RAPGEF5: variants seen among roughly 807,000 people sequenced by gnomAD.
RAPGEF5 encodes the protein Rap guanine nucleotide exchange factor 5.
In RAPGEF5, 65 loss-of-function variants were observed where a neutral mutation model predicts 125.2. That is an observed-to-expected ratio of 0.52 (90% CI 0.43 to 0.64). The LOEUF is 0.64. Among genes scored for constraint, RAPGEF5 ranks in the 30% least tolerant of loss-of-function variants. RAPGEF5 has a pLI of 0.00. For missense variants in RAPGEF5, 958 were observed against 1,048.1 expected, an observed-to-expected ratio of 0.91 and a Z score of 1.19; for synonymous variants, 391 against 385.9, an observed-to-expected ratio of 1.01 and a Z score of -0.16.
At chr7:22,191,425 T>A (rs1316934856) in intron 11 of RAPGEF5, 1 of 370,858 alleles carries the variant, frequency 2.7e-6, no homozygotes, top group South Asian at 2.1e-5. Flanking sequence ...GTTGTTACCA[T>A]TTTGCCACTC....
chr7:22,153,219 G>A (rs924511352), intron 17 of RAPGEF5, among the ~76,000 whole-genome samples: 1 of 152,122 alleles, frequency 6.6e-6, no homozygotes, highest in Non-Finnish European at 1.5e-5. Context: ...TACCTTGAGA[G>A]GTGGATGCTT....
intron 11 of RAPGEF5, among the ~76,000 whole-genome samples, chr7:22,188,066 A>T (rs1302704551): frequency 1.3e-5 from 2 of 152,246 alleles, no homozygotes; most frequent in African/African-American, 4.8e-5. Context: ...AAAAGATATA[A>T]ATACAAGATA....
Position 22,211,910 on chromosome 7 carries a change from C to G in RAPGEF5, c.996+7956G>C, listed in dbSNP as rs566056537. 2.7e-5 allele frequency among the ~76,000 whole-genome samples: 4 copies of G among 150,374 alleles called. No individual in the cohort carries two copies. In the South Asian group the frequency reaches 8.5e-4, roughly 32 times the overall value. ...AGGCTCCAGCTGGTTGGTTCTGTTT[C>G]TAAAGCTGCTCTCTTCTCCACATCA... On this transcript the variant is annotated intron_variant, in intron 9 of 25. Coordinates refer to ENST00000665637, the MANE Select transcript of RAPGEF5 (RefSeq NM_012294.5).
intron 5 of RAPGEF5, among the ~76,000 whole-genome samples, chr7:22,304,095 G>C (rs1288063813): frequency 1.3e-5 from 2 of 151,772 alleles, no homozygotes; most frequent in Admixed American, 1.3e-4. Flanking sequence ...TCCAAGTCTA[G>C]ATAAGCCAAA....
intron 9 of RAPGEF5, among the ~76,000 whole-genome samples, chr7:22,219,013 T>C (rs368332711): frequency 4.3e-4 from 65 of 152,250 alleles, no homozygotes; most frequent in African/African-American, 8.7e-4. Flanking sequence ...AGAAAAAGCA[T>C]GAAGCAATGT....
chr7:22,156,780 C>A (rs1172875174), intron 16 of RAPGEF5, 30 bp downstream of exon 16: 2 of 1,612,634 alleles, frequency 1.2e-6, no homozygotes, highest in Non-Finnish European at 1.7e-6. Context: ...TGCTGCCCAC[C>A]CCCAAACCCT....
At chr7:22,161,211 A>C (rs997885352) in intron 13 of RAPGEF5, among the ~76,000 whole-genome samples, 2 of 152,108 alleles carry the variant, frequency 1.3e-5, no homozygotes, top group African/African-American at 4.8e-5. Context: ...TCCGTCTCAA[A>C]AAATAAATAA....
intron 6 of RAPGEF5, among the ~76,000 whole-genome samples, chr7:22,284,849 A>G (rs1000757209): frequency 6.6e-6 from 1 of 152,226 alleles, no homozygotes; most frequent in Non-Finnish European, 1.5e-5. Flanking sequence ...GCATTTTTAG[A>G]AAAACATATT....
intron 11 of RAPGEF5, among the ~76,000 whole-genome samples, chr7:22,190,989 T>C (rs1784977049): frequency 1.3e-5 from 2 of 152,178 alleles, no homozygotes. Context: ...TGTACTTTTA[T>C]TGCAGCCCCT....
At chr7:22,124,183 T>G (rs369127631) in intron 25 of RAPGEF5, among the ~76,000 whole-genome samples, 161 of 152,334 alleles carry the variant, frequency 1.1e-3, no homozygotes, top group African/African-American at 3.6e-3. Context: ...CTGTCTATAC[T>G]TGGAGCATAT....
chr7:22,317,205 A>G (rs1255834398), intron 2 of RAPGEF5, among the ~76,000 whole-genome samples: 1 of 149,390 alleles, frequency 6.7e-6, no homozygotes, highest in African/African-American at 2.4e-5. Context: ...CAAAGCTCAC[A>G]GTCTCCTGTT....
At position 22,218,527 on chromosome 7, in the gene RAPGEF5, T is replaced by C. The variant is rs549345230; in HGVS notation, c.996+1339A>G. The stretch of plus-strand genomic sequence containing the variant: ...TTCATATCATCAATTGTTAAGACTA[T>C]TGTGGGGGAAATGTGCATCTTGAAA... On this transcript the variant is annotated intron_variant, in intron 9 of 25. Coordinates refer to ENST00000665637, the MANE Select transcript of RAPGEF5 (RefSeq NM_012294.5). 3.3e-4 allele frequency among the ~76,000 whole-genome samples: 51 copies of C among 152,294 alleles called. 1 individual carries two copies. In the South Asian group the frequency reaches 0.011, roughly 32 times the overall value.
intron 16 of RAPGEF5, among the ~76,000 whole-genome samples, chr7:22,156,255 G>T: frequency 6.6e-6 from 1 of 152,200 alleles, no homozygotes; most frequent in Non-Finnish European, 1.5e-5. Context: ...TCTAAAAGGA[G>T]AAAACCACTG....
chr7:22,290,559 A>C (rs1186246541), intron 6 of RAPGEF5, among the ~76,000 whole-genome samples: 2 of 151,856 alleles, frequency 1.3e-5, no homozygotes, highest in Non-Finnish European at 2.9e-5. Flanking sequence ...TCCCGGCTAA[A>C]ACGGTGAAAC....
At chr7:22,226,832 T>C (rs78182123) in intron 8 of RAPGEF5, among the ~76,000 whole-genome samples, 2,249 of 152,248 alleles carry the variant, frequency 0.015, 64 homozygotes, top group African/African-American at 0.051. Context: ...CACCTTTGTA[T>C]AGGATGGACA....
rs372042570 is a variant in RAPGEF5 at position 22,220,972 on chromosome 7, G to A, written c.871-981C>T. 2.6e-5 allele frequency among the ~76,000 whole-genome samples: 4 copies of A among 152,194 alleles called. No individual in the cohort carries two copies. In the East Asian group the frequency reaches 7.7e-4, roughly 29 times the overall value. ...AAACTTCATGATCTTAACGGTTTGT[G>A]CTAAAGATACCCGTGTTGTTGAGTG... On this transcript the variant is annotated intron_variant, in intron 8 of 25. Transcript: ENST00000665637.
intron 7 of RAPGEF5, among the ~76,000 whole-genome samples, chr7:22,244,868 G>A (rs1462242431): frequency 1.3e-5 from 2 of 152,132 alleles, no homozygotes; most frequent in Non-Finnish European, 2.9e-5. Flanking sequence ...TAGGTCATAT[G>A]GTAATTACAT....
chr7:22,306,692 G>C (rs554915609), intron 5 of RAPGEF5, among the ~76,000 whole-genome samples: 15 of 152,172 alleles, frequency 9.9e-5, no homozygotes, highest in South Asian at 6.2e-4. Flanking sequence ...CATAGTTTGA[G>C]CTCTAAAAGT....
intron 17 of RAPGEF5, 86 bp downstream of exon 17, chr7:22,154,369 G>A: frequency 2.7e-6 from 4 of 1,462,924 alleles, no homozygotes; most frequent in East Asian, 4.8e-5. Flanking sequence ...GGGAGGAGCT[G>A]CACTTTTACT....
Sources: allele counts gnomAD v4.1 joint callset (sites outside exome capture counted in the v4.1 genomes callset), GRCh38; gene constraint gnomAD v4.1.1; transcripts MANE v1.5; gene names NCBI Gene and HGNC (gene_info 2026-07-23, HGNC 2026-07-21).